The following MIGA1 variants were observed in gnomAD, a reference collection of about 807,000 sequenced individuals.
MIGA1 encodes the protein mitoguardin 1.
In MIGA1, 58 loss-of-function variants were observed where a neutral mutation model predicts 82.0. The observed-to-expected ratio is 0.71, with a 90% CI of 0.57 to 0.88. The LOEUF (loss-of-function observed/expected upper bound fraction) is 0.88, where lower values mean the gene tolerates loss of function less well. Among genes scored for constraint, MIGA1 ranks in the 40% least tolerant of loss-of-function variants. The probability of loss-of-function intolerance (pLI) is 0.00; values close to 1 mark genes in which losing one functional copy is unlikely to be tolerated. For missense variants in MIGA1, 751 were observed against 749.1 expected, an observed-to-expected ratio of 1.00 and a Z score of -0.03; for synonymous variants, 249 against 253.6, an observed-to-expected ratio of 0.98 and a Z score of 0.17.
At chr1:77,853,685 CA>C in intron 8 of MIGA1, 1 of 249,524 alleles carries the variant, frequency 4.0e-6, no homozygotes, top group Admixed American at 5.2e-5. Flanking sequence ...CAAAAACAAA[CA>C]AAAACCCAAA....
intron 14 of MIGA1, among the ~76,000 whole-genome samples, chr1:77,867,907 A>C (rs1685736698): frequency 8.0e-6 from 1 of 124,954 alleles, no homozygotes; most frequent in Non-Finnish European, 1.8e-5. Flanking sequence ...AGAGACCCAT[A>C]TTTTAAGCAG....
intron 8 of MIGA1, chr1:77,847,920 CTA>C (rs1684904174): frequency 7.0e-7 from 1 of 1,421,894 alleles, no homozygotes; most frequent in Non-Finnish European, 9.9e-7. Context: ...AATAAAGAAA[CTA>C]GAGTGAACTG....
chr1:77,838,333 TTTATTTATTTATTTA>T (rs964827993), intron 7 of MIGA1, among the ~76,000 whole-genome samples: 3 of 151,550 alleles, frequency 2.0e-5, no homozygotes, highest in Admixed American at 1.3e-4. Flanking sequence ...AGCTTATTTA[TTTATTTATTTATTTA>T]TTATTTATTT....
At chr1:77,871,578 C>T (rs897756601) in intron 14 of MIGA1, among the ~76,000 whole-genome samples, 1 of 151,990 alleles carries the variant, frequency 6.6e-6, no homozygotes, top group Non-Finnish European at 1.5e-5. Context: ...ACCCCCGCCC[C>T]CCAGGAGACA....
chr1:77,840,570 G>T (rs2101883172), intron 7 of MIGA1, among the ~76,000 whole-genome samples: 1 of 152,116 alleles, frequency 6.6e-6, no homozygotes, highest in Admixed American at 6.6e-5. Context: ...ACTTTAGGAG[G>T]CGGAGGCGGA....
chr1:77,812,693 G>C (rs1314383946), intron 5 of MIGA1, among the ~76,000 whole-genome samples: 1 of 152,032 alleles, frequency 6.6e-6, no homozygotes, highest in African/African-American at 2.4e-5. Context: ...TGTTTTGTTT[G>C]AAGTGCATAG....
intron 13 of MIGA1, among the ~76,000 whole-genome samples, chr1:77,865,794 CTT>C (rs577015469): frequency 4.9e-5 from 7 of 142,754 alleles, no homozygotes; most frequent in Admixed American, 1.4e-4. Flanking sequence ...TATTATTTTA[CTT>C]TTTTTTTTTT....
At position 77,876,595 on chromosome 1, in the gene MIGA1, T is replaced by C. The variant is rs542591344; in HGVS notation, c.*1531T>C. ...AAACTTGGTACAGTGAAATAATTTC[T>C]CCTTTCTCCTTCCTTTTAGTTATTC... On this transcript the variant is annotated 3_prime_UTR_variant, in exon 16 of 16. Transcript: ENST00000370791. 2 of 152,306 alleles carry C rather than the reference T, an allele frequency of 1.3e-5. No homozygotes were observed. Among genetic ancestry groups the C allele is most frequent in the African/African-American group, 4.8e-5 (2 of 41,566 alleles). 9.4% of individuals were successfully genotyped at this position (152,306 alleles called of 1,614,324 possible). A position where few individuals can be genotyped will look rare whatever the true frequency, so the allele number is the denominator to read the frequency against.
In MIGA1 at chr1:77,874,946, G is replaced by C. The variant is rs372915680; in HGVS notation, c.1781G>C (p.Arg594Pro). The change falls in exon 16 of 16, where the codon CGC (arginine) becomes CCC (proline). Residue 594 changes from arginine to proline, a missense_variant. Physicochemically the swap from Arg to Pro is moderately radical, Grantham distance 103. Around this residue, in one of 3 missense-constraint regions of MIGA1, gnomAD observed 265 missense variants for 293.6 expected, o/e 0.90. Transcript: ENST00000370791. ...GAAGACCTCATGCAGTTACTCATTC[G>C]CCGCACTGAGCTTTTAATGGCCTAT... 6.2e-7 allele frequency: 1 copy of C among 1,614,020 alleles called. No homozygotes were observed. The highest frequency in any genetic ancestry group is 8.5e-7 in the Non-Finnish European group (1 of 1,179,982).
chr1:77,805,797 C>T (rs1274470211), intron 4 of MIGA1, among the ~76,000 whole-genome samples: 1 of 152,180 alleles, frequency 6.6e-6, no homozygotes, highest in Non-Finnish European at 1.5e-5. Context: ...GCTGGGATTA[C>T]AGGCGTGAGC....
chr1:77,815,766 G>T (rs916644340), intron 7 of MIGA1, among the ~76,000 whole-genome samples: 8 of 152,000 alleles, frequency 5.3e-5, no homozygotes, highest in African/African-American at 1.7e-4. Context: ...CAGGATATCT[G>T]TTGCCCAGGT....
At chr1:77,865,950 G>A (rs886647778) in intron 13 of MIGA1, among the ~76,000 whole-genome samples, 18 of 152,062 alleles carry the variant, frequency 1.2e-4, no homozygotes, top group Admixed American at 1.2e-3. Context: ...GTCTTGCTCT[G>A]TCGCTAGGCT....
chr1:77,859,539 T>G (rs566059050), intron 10 of MIGA1, 153 bp downstream of exon 10: 1 of 572,142 alleles, frequency 1.7e-6, no homozygotes. Context: ...TTTTCCTCCC[T>G]GCTACTTGCC....
chr1:77,793,460 G>GTTTGT (rs934300746), intron 2 of MIGA1, among the ~76,000 whole-genome samples: 3 of 151,686 alleles, frequency 2.0e-5, no homozygotes, highest in Non-Finnish European at 4.4e-5. Flanking sequence ...TTGTTTGCTT[G>GTTTGT]TTTGTTTTGT....
chr1:77,848,282 G>A (rs1684919195), intron 8 of MIGA1: 2 of 1,335,054 alleles, frequency 1.5e-6, no homozygotes, highest in South Asian at 1.2e-5. Flanking sequence ...GGAGAAAGAT[G>A]GGGAGAAATA....
rs997935730 is a variant in MIGA1, at chr1:77,787,642, G to A, written c.195+4291G>A. On this transcript the variant is annotated intron_variant, in intron 2 of 15. Transcript: ENST00000370791. Reference sequence around the variant, plus strand: ...GACCTCAGGTGATCTGCCCGCCTCCGCCTCCCAAAGTGTTGGGATTACAGG... The same window carrying A: ...GACCTCAGGTGATCTGCCCGCCTCCACCTCCCAAAGTGTTGGGATTACAGG... Among the ~76,000 whole-genome samples, 7 of 151,968 alleles carry A rather than the reference G, an allele frequency of 4.6e-5. No individual in the cohort carries two copies. In the East Asian group the frequency reaches 7.7e-4, roughly 17 times the overall value.
At chr1:77,835,800 T>C (rs569726691) in intron 7 of MIGA1, among the ~76,000 whole-genome samples, 2 of 151,868 alleles carry the variant, frequency 1.3e-5, no homozygotes, top group East Asian at 3.9e-4. Context: ...ATACAGAAAT[T>C]AGCCAGGCGT....
intron 2 of MIGA1, among the ~76,000 whole-genome samples, chr1:77,789,571 T>C (rs1682329887): frequency 6.6e-6 from 1 of 152,186 alleles, no homozygotes; most frequent in African/African-American, 2.4e-5. Flanking sequence ...TGTAGTATCC[T>C]TCACAGCCAA....
chr1:77,832,772 G>A (rs7413416), intron 7 of MIGA1, among the ~76,000 whole-genome samples: 50 of 152,316 alleles, frequency 3.3e-4, no homozygotes, highest in African/African-American at 1.2e-3. Context: ...TGTACCTTTA[G>A]ACAAAAGGGA....
Sources: allele counts gnomAD v4.1 joint callset (sites outside exome capture counted in the v4.1 genomes callset), GRCh38; gene constraint gnomAD v4.1.1; regional missense constraint gnomAD v4.1.1; transcripts MANE v1.5; gene names NCBI Gene and HGNC (gene_info 2026-07-23, HGNC 2026-07-21).